ZNF280D: variants seen among roughly 807,000 people sequenced by gnomAD.
ZNF280D encodes the protein zinc finger protein 280D.
In ZNF280D, 39 loss-of-function variants were observed where a neutral mutation model predicts 94.7. That is an observed-to-expected ratio of 0.41 (90% confidence interval 0.32 to 0.54). The LOEUF is 0.54. Among genes scored for constraint, ZNF280D ranks in the 20% least tolerant of loss-of-function variants. The pLI is 0.22. For missense variants in ZNF280D, 1,090 were observed against 1,149.3 expected (o/e 0.95, Z 0.75); for synonymous variants, 398 against 377.6 (o/e 1.05, Z -0.63).
intron 13 of ZNF280D, among the ~76,000 whole-genome samples, chr15:56,670,002 TATATATA>T (rs199694074): frequency 0.11 from 121 of 1,116 alleles, 38 homozygotes; most frequent in African/African-American, 0.16. Context: ...ATATATTATA[TATATATA>T]ATATATATAT....
chr15:56,646,601 G>A (rs2052904503), intron 19 of ZNF280D, among the ~76,000 whole-genome samples: 1 of 152,128 alleles, frequency 6.6e-6, no homozygotes, highest in Non-Finnish European at 1.5e-5. Flanking sequence ...ATTTATATGT[G>A]GAAAGGATGC....
intron 1 of ZNF280D, among the ~76,000 whole-genome samples, 193 bp downstream of exon 1, chr15:56,733,265 T>G (rs1473825839): frequency 6.6e-6 from 1 of 151,872 alleles, no homozygotes; most frequent in Non-Finnish European, 1.5e-5. Context: ...CTCCCCCGCC[T>G]GGGCCGACGC....
At chr15:56,717,149 C>A (rs1185360144) in intron 1 of ZNF280D, among the ~76,000 whole-genome samples, 1 of 152,084 alleles carries the variant, frequency 6.6e-6, no homozygotes. Flanking sequence ...CACATGCTCT[C>A]CCTGGTACCA....
chr15:56,653,700 A>G (rs370452066), intron 19 of ZNF280D: 4 of 1,329,548 alleles, frequency 3.0e-6, no homozygotes. Flanking sequence ...GAAAGCAGAC[A>G]AACAGACAAA....
At chr15:56,701,787 C>A (rs2057089938) in intron 4 of ZNF280D, among the ~76,000 whole-genome samples, 1 of 151,980 alleles carries the variant, frequency 6.6e-6, no homozygotes, top group Non-Finnish European at 1.5e-5. Flanking sequence ...GAAAAACTAT[C>A]AGAGATTGCA....
At chr15:56,691,077 C>A (rs924097880) in intron 7 of ZNF280D, among the ~76,000 whole-genome samples, 2 of 152,016 alleles carry the variant, frequency 1.3e-5, no homozygotes, top group Non-Finnish European at 2.9e-5. Flanking sequence ...AGGCACCCAA[C>A]AAAACATTTG....
In ZNF280D at chr15:56,631,207, C is replaced by T. The variant is rs1317882467; in HGVS notation, c.*291G>A. On this transcript the variant is annotated 3_prime_UTR_variant, in exon 22 of 22. Coordinates refer to ENST00000267807, the MANE Select transcript of ZNF280D (RefSeq NM_017661.4). ...TAATATCATCAATTCATGTCAGCAACCAAATCCCATTTCCTTGAAAACCAT... is the reference window on the plus strand; with the variant it reads ...TAATATCATCAATTCATGTCAGCAATCAAATCCCATTTCCTTGAAAACCAT... 2 of 291,846 alleles carry T rather than the reference C, an allele frequency of 6.9e-6. No individual in the cohort carries two copies. The highest frequency in any genetic ancestry group is 9.2e-5 in the Admixed American group (2 of 21,692). 18.1% of individuals were successfully genotyped at this position (291,846 alleles called of 1,614,324 possible). A position where few individuals can be genotyped will look rare whatever the true frequency, so the allele number is the denominator to read the frequency against.
chr15:56,652,878 A>G (rs1478417019), intron 19 of ZNF280D: 2 of 983,930 alleles, frequency 2.0e-6, no homozygotes, highest in African/African-American at 1.7e-5. Flanking sequence ...GCTACACAAA[A>G]TCTGTAGAGA....
intron 19 of ZNF280D, among the ~76,000 whole-genome samples, chr15:56,648,757 T>TA (rs2053041254): frequency 6.6e-6 from 1 of 152,170 alleles, no homozygotes; most frequent in Non-Finnish European, 1.5e-5. Flanking sequence ...ATGTGCTCAG[T>TA]AAATGTTAGT....
At chr15:56,705,511 C>A (rs1441445628) in intron 3 of ZNF280D, among the ~76,000 whole-genome samples, 1 of 152,146 alleles carries the variant, frequency 6.6e-6, no homozygotes, top group Non-Finnish European at 1.5e-5. Flanking sequence ...TTACTTGAAC[C>A]TATTTTCCTC....
chr15:56,657,364 A>T (rs2053614112), intron 17 of ZNF280D, among the ~76,000 whole-genome samples: 1 of 152,196 alleles, frequency 6.6e-6, no homozygotes, highest in African/African-American at 2.4e-5. Context: ...CAGTGGTTAA[A>T]GGAAATTTAC....
chr15:56,732,919 CTT>C lies in ZNF280D; in HGVS notation c.-86+537_-86+538del, dbSNP rs566441930. On this transcript the variant is annotated intron_variant, in intron 1 of 21. Transcript: ENST00000267807. ...TTCTATGGCAGAGGAGGGGAGGTCT[CTT>C]TGACAAAAATGAGGGTGCAAACGTG... 1.1e-3 allele frequency: 170 copies of C among 152,338 alleles called. 2 individuals are homozygous for C. Among genetic ancestry groups the C allele is most frequent in the African/African-American group, 3.8e-3 (157 of 41,570 alleles). 9.4% of individuals were successfully genotyped at this position (152,338 alleles called of 1,614,324 possible). A position where few individuals can be genotyped will look rare whatever the true frequency, so the allele number is the denominator to read the frequency against.
chr15:56,691,055 A>C (rs1231428245), intron 7 of ZNF280D, among the ~76,000 whole-genome samples: 1 of 152,206 alleles, frequency 6.6e-6, no homozygotes, highest in African/African-American at 2.4e-5. Flanking sequence ...ACCAAATAAG[A>C]TAATGTACTT....
intron 17 of ZNF280D, among the ~76,000 whole-genome samples, chr15:56,657,883 G>T (rs1379411216): frequency 2.6e-5 from 4 of 151,898 alleles, no homozygotes; most frequent in African/African-American, 4.8e-5. Flanking sequence ...ATACTAAAGA[G>T]AAATAAAAAT....
At chr15:56,641,124 C>A (rs1176736309) in intron 20 of ZNF280D, among the ~76,000 whole-genome samples, 1 of 152,008 alleles carries the variant, frequency 6.6e-6, no homozygotes, top group Non-Finnish European at 1.5e-5. Context: ...CACCCAGTGA[C>A]TCATGCATTT....
intron 16 of ZNF280D, among the ~76,000 whole-genome samples, chr15:56,660,893 A>T (rs2053894956): frequency 6.6e-6 from 1 of 152,112 alleles, no homozygotes. Flanking sequence ...AATTTCCTTA[A>T]AAATTTTAAG....
At chr15:56,643,766 A>G (rs796160749) in intron 19 of ZNF280D, among the ~76,000 whole-genome samples, 2 of 151,914 alleles carry the variant, frequency 1.3e-5, no homozygotes, top group African/African-American at 4.8e-5. Context: ...TAAGTAGGGT[A>G]CCTACCTGAT....
At chr15:56,724,431 C>T (rs1337175280) in intron 1 of ZNF280D, among the ~76,000 whole-genome samples, 1 of 152,210 alleles carries the variant, frequency 6.6e-6, no homozygotes, top group Admixed American at 6.5e-5. Context: ...GGAGGCAACA[C>T]TTCTAACAGT....
chr15:56,694,978 T>C (rs1230350199), intron 6 of ZNF280D, among the ~76,000 whole-genome samples: 1 of 152,224 alleles, frequency 6.6e-6, no homozygotes, highest in African/African-American at 2.4e-5. Flanking sequence ...CATTCATTAT[T>C]GGCAAAGTAG....
Sources: gnomAD v4.1 joint callset for allele counts (sites outside exome capture counted in the v4.1 genomes callset) on GRCh38, gnomAD v4.1.1 for gene constraint, MANE v1.5 for transcripts, NCBI Gene and HGNC (gene_info 2026-07-23, HGNC 2026-07-21) for gene names.